BRAT1: variants seen among roughly 807,000 people sequenced by gnomAD.
The protein encoded by BRAT1 is BRCA1 associated ATM activator 1, also known as integrator complex assembly factor BRAT1.
A neutral mutation model predicts 70.6 loss-of-function variants in BRAT1; 74 were observed. The ratio of observed to expected loss-of-function variants is 1.05; its 90% CI spans 0.87 to 1.27. BRAT1 has a LOEUF of 1.27. Ranked by LOEUF, BRAT1 falls within the 50% of genes most tolerant of loss-of-function variation. The pLI is 0.00. For synonymous variants in BRAT1, 615 were observed against 517.1 expected, an observed-to-expected ratio of 1.19 and a Z score of -2.57; for missense variants, 1,203 against 1,098.2, an observed-to-expected ratio of 1.10 and a Z score of -1.35.
Position 2,543,529 on chromosome 7 carries a change from GCGTTAT to G in BRAT1, c.803+55_803+60del. The G allele has an allele frequency of 6.7e-7, 1 of 1,496,070 alleles. No homozygotes were observed. The highest frequency in any genetic ancestry group is 8.9e-7 in the Non-Finnish European group (1 of 1,124,832). 92.7% of individuals were successfully genotyped at this position (1,496,070 alleles called of 1,614,324 possible). A position where few individuals can be genotyped will look rare whatever the true frequency, so the allele number is the denominator to read the frequency against. On this transcript the variant is annotated intron_variant, in intron 5 of 13. Transcript: ENST00000340611. This position sits in a 1 kb window ranked among gnomAD's most constrained non-coding sequence, Gnocchi z 5.5. ...CCGGCTGCCAGTGGGACATCCCTGG[GCGTTAT>G]CCGAGGAAAACAGTTGCCCACCCAG... is the stretch of plus-strand genomic sequence containing the variant.
intron 6 of BRAT1, 59 bp from the exon 7 acceptor site, chr7:2,542,270 T>C: frequency 7.1e-7 from 1 of 1,405,974 alleles, no homozygotes; most frequent in South Asian, 1.2e-5. Flanking sequence ...TTGGCTGTGC[T>C]CCTAATGTCC....
chr7:2,543,242 C>A lies in BRAT1; in HGVS notation c.885G>T (p.Met295Ile). Residue 295 changes from methionine (M) to isoleucine (I), a missense_variant, in exon 6 of 14, where the codon ATG (methionine) becomes ATT (isoleucine). Transcript: ENST00000340611. This position sits in a 1 kb window ranked among gnomAD's most constrained non-coding sequence, Gnocchi z 5.5. ...RALSCLGPTHMGPLALGILKL... is the reference protein window; with the variant it reads ...RALSCLGPTHIGPLALGILKL... ...TCAGGATCCCCAAAGCCAGGGGTCC[C>A]ATGTGGGTGGGACCCAGGCAGCTCA... The A allele has an allele frequency of 6.2e-7, 1 of 1,610,310 alleles. No individual in the cohort carries two copies. The highest frequency in any genetic ancestry group is 1.1e-5 in the South Asian group (1 of 90,770).
chr7:2,539,704 C>A, intron 11 of BRAT1, 62 bp from the exon 12 acceptor site: 1 of 1,549,692 alleles, frequency 6.5e-7, no homozygotes, highest in Non-Finnish European at 8.8e-7. Flanking sequence ...CCCTCAGAGC[C>A]AGCTGAGCCA....
chr7:2,547,333 C>A lies in BRAT1; in HGVS notation c.273G>T (p.Gln91His). The A allele has an allele frequency of 6.2e-7, 1 of 1,614,126 alleles. No homozygotes were observed. Among genetic ancestry groups the A allele is most frequent in the Non-Finnish European group, 8.5e-7 (1 of 1,180,010 alleles). ...GAGGCCCCAGGCTCACCTGAAGATACTGGAAGCAGTTTTCCTGGGCTGCGA... is the reference window on the plus strand; with the variant it reads ...GAGGCCCCAGGCTCACCTGAAGATAATGGAAGCAGTTTTCCTGGGCTGCGA... ...GTFAAQENCF[Q>H]YLQQGELLPG... The change falls in exon 3 of 14, where the codon CAG becomes CAT. Residue 91 changes from glutamine to histidine, a missense_variant. Coordinates refer to ENST00000340611, the MANE Select transcript of BRAT1 (RefSeq NM_152743.4).
intron 13 of BRAT1, 99 bp from the exon 14 acceptor site, chr7:2,538,863 G>C: frequency 6.5e-7 from 1 of 1,527,882 alleles, no homozygotes; most frequent in Non-Finnish European, 8.7e-7. Flanking sequence ...CCCCGGACAT[G>C]CAGTCTAGGG....
intron 7 of BRAT1, 25 bp downstream of exon 7, chr7:2,542,095 T>C (rs1490062441): frequency 6.7e-7 from 1 of 1,494,306 alleles, no homozygotes; most frequent in African/African-American, 1.4e-5. Flanking sequence ...GGTTCTGCCC[T>C]CCCAGCCCTT....
rs977706339 is a variant in BRAT1, at chr7:2,541,362, C to T, written c.1257G>A (p.Leu419=). 2 of 1,607,476 alleles carry T rather than the reference C, an allele frequency of 1.2e-6. No homozygotes were observed. Among genetic ancestry groups the T allele is most frequent in the Non-Finnish European group, 1.7e-6 (2 of 1,179,566 alleles). Residue 419 remains leucine (L), a synonymous_variant, in exon 9 of 14, where the codon CTG becomes CTA. Coordinates refer to ENST00000340611, the MANE Select transcript of BRAT1 (RefSeq NM_152743.4). ...CTCGCTGGACCCGGACGCAGCCCGCCAGGGTCCCACAGAGGTGGCCCCCCA... is the reference window on the plus strand; with the variant it reads ...CTCGCTGGACCCGGACGCAGCCCGCTAGGGTCCCACAGAGGTGGCCCCCCA... ...SSVGGHLCGT[L]AGCVRVQRAA...
In BRAT1 at chr7:2,538,771, G is replaced by A. The variant is rs903491648; in HGVS notation, c.1771-7C>T. 8 of 1,598,046 alleles carry A rather than the reference G, an allele frequency of 5.0e-6. No homozygotes were observed. The highest frequency in any genetic ancestry group is 3.3e-5 in the Admixed American group (2 of 59,996). On this transcript the variant is annotated splice_polypyrimidine_tract_variant and splice_region_variant and intron_variant, in intron 13 of 13. Coordinates refer to ENST00000340611, the MANE Select transcript of BRAT1 (RefSeq NM_152743.4). Reference sequence around the variant, plus strand: ...GGAGCTCCAGGAACAGGCTCTGGGGGACAGGGAGCAAGTGCGGATGGTTGG... The same window carrying A: ...GGAGCTCCAGGAACAGGCTCTGGGGAACAGGGAGCAAGTGCGGATGGTTGG...
In BRAT1 at chr7:2,537,931, CCTTG is replaced by C; in HGVS notation, c.*134_*137del. 7.6e-7 allele frequency: 1 copy of C among 1,323,100 alleles called. No homozygotes were observed. Among genetic ancestry groups the C allele is most frequent in the Non-Finnish European group, 9.8e-7 (1 of 1,024,232 alleles). 82.0% of individuals were successfully genotyped at this position (1,323,100 alleles called of 1,614,324 possible). A position where few individuals can be genotyped will look rare whatever the true frequency, so the allele number is the denominator to read the frequency against. On this transcript the variant is annotated 3_prime_UTR_variant, in exon 14 of 14. Transcript: ENST00000340611. ...TACATCAAACTGTGGGATTTCTTGACCTTGCTTCTCTCCTGGTCCTGGCTTCCCC... is the reference window on the plus strand; with the variant it reads ...TACATCAAACTGTGGGATTTCTTGACCTTCTCTCCTGGTCCTGGCTTCCCC...
intron 13 of BRAT1, 95 bp downstream of exon 13, chr7:2,539,084 C>G: frequency 6.7e-7 from 1 of 1,495,074 alleles, no homozygotes. Flanking sequence ...CAGCTGCTCC[C>G]ACGCTGCATG....
chr7:2,539,746 C>G, intron 11 of BRAT1, 40 bp downstream of exon 11: 1 of 1,573,228 alleles, frequency 6.4e-7, no homozygotes, highest in Non-Finnish European at 8.6e-7. Flanking sequence ...TCCACCCCTG[C>G]GACTCCAGCT....
rs1355393465 is a variant in BRAT1 at position 2,551,261 on chromosome 7, C to CTATATATATATCTATATATAGA, written c.127+3022_127+3043dup. Among the ~76,000 whole-genome samples, 1,279 of 147,962 alleles carry CTATATATATATCTATATATAGA rather than the reference C, an allele frequency of 8.6e-3. 7 individuals are homozygous for CTATATATATATCTATATATAGA. Among genetic ancestry groups the CTATATATATATCTATATATAGA allele is most frequent in the Non-Finnish European group, 0.014 (924 of 67,246 alleles). On this transcript the variant is annotated intron_variant, in intron 2 of 13. Coordinates refer to ENST00000340611, the MANE Select transcript of BRAT1 (RefSeq NM_152743.4). ...GTCTCAAAAAAAAAAAAATCTATAT[C>CTATATATATATCTATATATAGA]TATATATATATCTATATATAGATAT...
At chr7:2,546,063 C>T (rs532124899) in intron 3 of BRAT1, among the ~76,000 whole-genome samples, 13 of 152,346 alleles carry the variant, frequency 8.5e-5, no homozygotes, top group South Asian at 8.3e-4. Context: ...CCACGCATCC[C>T]GACAGACTCA....
At chr7:2,539,757 C>G in intron 11 of BRAT1, 29 bp downstream of exon 11, 2 of 1,591,418 alleles carry the variant, frequency 1.3e-6, no homozygotes, top group East Asian at 2.3e-5. Flanking sequence ...GACTCCAGCT[C>G]CGTTCACCCC....
chr7:2,544,919 C>G lies in BRAT1; in HGVS notation c.420G>C (p.Leu140=), dbSNP rs1208723452. The G allele has an allele frequency of 6.4e-7, 1 of 1,550,840 alleles. No individual in the cohort carries two copies. Residue 140 remains leucine, a synonymous_variant, in exon 4 of 14, where the codon CTG becomes CTC. Coordinates refer to ENST00000340611, the MANE Select transcript of BRAT1 (RefSeq NM_152743.4). ...TGTGGGCGCACTCACCATGGTCGGC[C>G]AGGAAGCGCAGGGCGCTGGGGTGCT... ...LAQHPSALRF[L]ADHGAVDTIF...
At chr7:2,552,903 ATTTTT>A (rs11309965) in intron 2 of BRAT1, among the ~76,000 whole-genome samples, 1 of 142,766 alleles carries the variant, frequency 7.0e-6, no homozygotes, top group Non-Finnish European at 1.5e-5. Context: ...ACGTCTGGCT[ATTTTT>A]TTTTTTTTTG....
intron 13 of BRAT1, 98 bp from the exon 14 acceptor site, chr7:2,538,862 T>C (rs1261027017): frequency 8.5e-6 from 13 of 1,534,612 alleles, no homozygotes; most frequent in African/African-American, 1.4e-5. Context: ...GCCCCGGACA[T>C]GCAGTCTAGG....
intron 4 of BRAT1, 97 bp from the exon 5 acceptor site, chr7:2,544,059 C>T (rs1477983189): frequency 1.5e-5 from 16 of 1,046,738 alleles, no homozygotes; most frequent in Middle Eastern, 3.0e-4. Context: ...TAGCAGAGGG[C>T]CCCCCAAGAT....
chr7:2,541,900 AC>A, intron 7 of BRAT1, 64 bp from the exon 8 acceptor site: 1 of 1,543,136 alleles, frequency 6.5e-7, no homozygotes, highest in South Asian at 1.2e-5. Context: ...GTCACCAGCC[AC>A]CCCACGGTCA....
Sources: gnomAD v4.1 joint callset for allele counts (sites outside exome capture counted in the v4.1 genomes callset) on GRCh38, gnomAD v4.1.1 for gene constraint, Gnocchi (gnomAD v3.1) non-coding constraint, MANE v1.5 for transcripts, NCBI Gene and HGNC (gene_info 2026-07-23, HGNC 2026-07-21) for gene names.